The following ARSG variants were observed in gnomAD, a reference collection of about 807,000 sequenced individuals.
ARSG encodes the protein ASG.
A neutral mutation model predicts 50.5 loss-of-function variants in ARSG; 37 were observed. That is an observed-to-expected ratio of 0.73 (90% CI 0.56 to 0.96). The LOEUF is 0.96. ARSG is among the 50% of genes least tolerant of loss of function. The pLI, the probability that ARSG is intolerant of heterozygous loss-of-function variation, is 0.00. For missense variants in ARSG, 629 were observed against 675.3 expected, an observed-to-expected ratio of 0.93 and a Z score of 0.76; for synonymous variants, 225 against 254.6, an observed-to-expected ratio of 0.88 and a Z score of 1.11.
intron 2 of ARSG, among the ~76,000 whole-genome samples, chr17:68,341,483 T>C (rs565705582): frequency 6.6e-6 from 1 of 152,368 alleles, no homozygotes; most frequent in East Asian, 1.9e-4. Flanking sequence ...TTTTGAAGTG[T>C]TCATAACAGT....
chr17:68,305,615 T>C (rs2076576974), intron 1 of ARSG, among the ~76,000 whole-genome samples: 1 of 152,210 alleles, frequency 6.6e-6, no homozygotes, highest in Admixed American at 6.5e-5. Flanking sequence ...CACATTTCCA[T>C]GAAAAAAATT....
At chr17:68,333,687 G>A (rs1248260210) in intron 2 of ARSG, among the ~76,000 whole-genome samples, 1 of 150,830 alleles carries the variant, frequency 6.6e-6, no homozygotes, top group Non-Finnish European at 1.5e-5. Flanking sequence ...AGAGTAATAA[G>A]AGTTGTTATA....
chr17:68,317,406 G>A (rs1257577193), intron 2 of ARSG, among the ~76,000 whole-genome samples: 2 of 151,818 alleles, frequency 1.3e-5, no homozygotes, highest in African/African-American at 4.8e-5. Context: ...TCGATTATGT[G>A]GTTTGTGGGT....
In ARSG at chr17:68,420,550, C is replaced by T; in HGVS notation, c.*87C>T. 6.9e-7 allele frequency: 1 copy of T among 1,438,942 alleles called. No individual in the cohort carries two copies. The highest frequency in any genetic ancestry group is 9.6e-7 in the Non-Finnish European group (1 of 1,042,378). 89.1% of individuals were successfully genotyped at this position (1,438,942 alleles called of 1,614,324 possible). On this transcript the variant is annotated 3_prime_UTR_variant, in exon 12 of 12. Coordinates refer to ENST00000621439, the MANE Select transcript of ARSG (RefSeq NM_001267727.2). ...TTCATTTTTACCCTCTTTACAAACA[C>T]ACGCTTTAGTTTAGTCTTGGAGTTT...
intron 8 of ARSG, among the ~76,000 whole-genome samples, chr17:68,377,836 T>G (rs534858229): frequency 1.1e-4 from 16 of 152,364 alleles, no homozygotes; most frequent in Non-Finnish European, 2.2e-4. Flanking sequence ...CATTCTTTTT[T>G]GGGGCAAGGC....
intron 11 of ARSG, among the ~76,000 whole-genome samples, chr17:68,410,583 T>G (rs2081954906): frequency 6.6e-6 from 1 of 152,172 alleles, no homozygotes; most frequent in Non-Finnish European, 1.5e-5. Flanking sequence ...TCTAAAATTC[T>G]CTTTTTTGGT....
chr17:68,381,177 C>T lies in ARSG; in HGVS notation c.983-3887C>T, dbSNP rs2080412811. On this transcript the variant is annotated intron_variant, in intron 8 of 11. Transcript: ENST00000621439. This position sits in a 1 kb window ranked among gnomAD's most constrained non-coding sequence, Gnocchi z 4.1. Reference sequence around the variant, plus strand: ...CTTGGGTCCCAGCCAAGAAAGACCACTGTTCCTCCGCGTGGGCAGTGGTGA... The same window carrying T: ...CTTGGGTCCCAGCCAAGAAAGACCATTGTTCCTCCGCGTGGGCAGTGGTGA... Among the ~76,000 whole-genome samples, 1 of 152,168 alleles carries T rather than the reference C, an allele frequency of 6.6e-6. No homozygotes were observed. Among genetic ancestry groups the T allele is most frequent in the African/African-American group, 2.4e-5 (1 of 41,446 alleles).
At chr17:68,397,483 T>C (rs1297077033) in intron 10 of ARSG, among the ~76,000 whole-genome samples, 2 of 149,532 alleles carry the variant, frequency 1.3e-5, no homozygotes, top group Admixed American at 6.6e-5. Flanking sequence ...ACATGGGTAG[T>C]TGCTGGACCT....
chr17:68,437,005 A>AAAATATATAT, the ARSG span, among the ~76,000 whole-genome samples: 77 of 107,252 alleles, frequency 7.2e-4, 1 homozygote, highest in Non-Finnish European at 1.2e-3. Context: ...AAAAAAAAAA[A>AAAATATATAT]ATATATATAT....
intron 9 of ARSG, among the ~76,000 whole-genome samples, chr17:68,392,731 C>T (rs2081052706): frequency 6.6e-6 from 1 of 152,190 alleles, no homozygotes; most frequent in Non-Finnish European, 1.5e-5. Context: ...AACTTCTGAC[C>T]TCAGGTGATC....
intron 6 of ARSG, among the ~76,000 whole-genome samples, chr17:68,362,395 C>A (rs1477344321): frequency 6.6e-6 from 1 of 152,032 alleles, no homozygotes; most frequent in South Asian, 2.1e-4. Context: ...TAATGACTAG[C>A]GAGGCAATCA....
At chr17:68,293,870 G>T (rs941946276) in intron 1 of ARSG, among the ~76,000 whole-genome samples, 1 of 152,094 alleles carries the variant, frequency 6.6e-6, no homozygotes, top group Non-Finnish European at 1.5e-5. Context: ...AAAAAGTCAC[G>T]CAACATGACT....
rs1334883179 is a variant in ARSG at position 68,367,275 on chromosome 17, G to A, written c.705-1273G>A. On this transcript the variant is annotated intron_variant, in intron 6 of 11. Transcript: ENST00000621439. This position sits in a 1 kb window ranked among gnomAD's most constrained non-coding sequence, Gnocchi z 4.5. ...ACTGAGTGCAAGCACAGTCCCAGGC[G>A]GCAGACCCTGGGAGCCAGGGTGCAG... 2.0e-5 allele frequency among the ~76,000 whole-genome samples: 3 copies of A among 152,180 alleles called. No individual in the cohort carries two copies. Among genetic ancestry groups the A allele is most frequent in the Non-Finnish European group, 2.9e-5 (2 of 68,024 alleles).
Position 68,278,073 on chromosome 17 carries a change from C to A in ARSG, c.-552+18647C>A. The A allele has an allele frequency of 1.9e-6, 3 of 1,589,154 alleles. No individual in the cohort carries two copies. In the African/African-American group the frequency reaches 4.0e-5, roughly 21 times the overall value. On this transcript the variant is annotated intron_variant, in intron 1 of 11. Transcript: ENST00000448504. ...CCCTATACTTACGTCATGGTTAGGCCGAAAGATGTACTAACCTGAAAATGT... is the reference window on the plus strand; with the variant it reads ...CCCTATACTTACGTCATGGTTAGGCAGAAAGATGTACTAACCTGAAAATGT...
the ARSG span, among the ~76,000 whole-genome samples, chr17:68,444,884 C>A: frequency 1.3e-5 from 2 of 150,910 alleles, no homozygotes; most frequent in African/African-American, 4.9e-5. Context: ...TCTTCCTTCT[C>A]CTTCTTTCCT....
chr17:68,274,142 TCCA>T lies in ARSG; in HGVS notation c.-552+14718_-552+14720del, dbSNP rs1599508511. 18 of 1,514,604 alleles carry T rather than the reference TCCA, an allele frequency of 1.2e-5. No individual in the cohort carries two copies. In the East Asian group the frequency reaches 4.1e-4, roughly 34 times the overall value. 93.8% of individuals were successfully genotyped at this position (1,514,604 alleles called of 1,614,324 possible). On this transcript the variant is annotated intron_variant, in intron 1 of 11. Transcript: ENST00000448504. The stretch of plus-strand genomic sequence containing the variant: ...GGTTAGCTGCCATAAGACTCCTTCC[TCCA>T]CGTCTTGCACATGGAGAGATGATGT...
chr17:68,360,069 G>A (rs532307597), intron 6 of ARSG, among the ~76,000 whole-genome samples: 2 of 152,280 alleles, frequency 1.3e-5, no homozygotes, highest in South Asian at 2.1e-4. Context: ...ACTCGGGGCC[G>A]TTTAATGCCC....
intron 9 of ARSG, among the ~76,000 whole-genome samples, chr17:68,391,476 A>G (rs1420631669): frequency 2.0e-5 from 3 of 152,124 alleles, no homozygotes; most frequent in Non-Finnish European, 2.9e-5. Flanking sequence ...TGAACATTAG[A>G]CTTAGTGCTC....
chr17:68,406,821 G>A (rs946606204), intron 11 of ARSG, among the ~76,000 whole-genome samples: 19 of 152,064 alleles, frequency 1.2e-4, no homozygotes, highest in Non-Finnish European at 2.2e-4. Flanking sequence ...CACTGTGTGG[G>A]CTGTTTACTC....
Sources: gnomAD v4.1 joint callset for allele counts (sites outside exome capture counted in the v4.1 genomes callset) on GRCh38, gnomAD v4.1.1 for gene constraint, Gnocchi (gnomAD v3.1) non-coding constraint, MANE v1.5 for transcripts, NCBI Gene and HGNC (gene_info 2026-07-23, HGNC 2026-07-21) for gene names.